The following MYO15A variants were observed in gnomAD, a reference collection of about 807,000 sequenced individuals.
The protein encoded by MYO15A is unconventional myosin-XV.
In MYO15A, 308 loss-of-function variants were observed where a neutral mutation model predicts 394.6. That is an observed-to-expected ratio of 0.78 (90% CI 0.71 to 0.86). The LOEUF is 0.86. MYO15A is among the 40% of genes least tolerant of loss of function. The pLI is 0.00. For missense variants in MYO15A, 4,606 were observed against 4,799.1 expected, an observed-to-expected ratio of 0.96 and a Z score of 1.19; for synonymous variants, 1,957 against 2,003.8, an observed-to-expected ratio of 0.98 and a Z score of 0.62.
At position 18,114,302 on chromosome 17, in the gene MYO15A, A is replaced by G. The variant is rs141609773; in HGVS notation, c.-219-4280A>G. On this transcript the variant is annotated intron_variant, in intron 1 of 65. Coordinates refer to ENST00000647165, the MANE Select transcript of MYO15A (RefSeq NM_016239.4). ...TTTTTGCTCTTGTTGCCCAGGCTGG[A>G]GTGCAATGGCTTCATCTTGGCTCAC... Among the ~76,000 whole-genome samples, 325 of 116,938 alleles carry G rather than the reference A, an allele frequency of 2.8e-3. 1 individual carries two copies. Among genetic ancestry groups the G allele is most frequent in the Middle Eastern group, 7.9e-3 (1 of 126 alleles). 76.7% of individuals were successfully genotyped at this position (116,938 alleles called of 152,430 possible). A position where few individuals can be genotyped will look rare whatever the true frequency, so the allele number is the denominator to read the frequency against.
intron 1 of MYO15A, among the ~76,000 whole-genome samples, chr17:18,111,268 G>C (rs2045716276): frequency 6.8e-6 from 1 of 146,522 alleles, no homozygotes; most frequent in Non-Finnish European, 1.5e-5. Flanking sequence ...CTGGGAGCTT[G>C]AGGCTGCAGT....
At position 18,120,672 on chromosome 17, in the gene MYO15A, GC is replaced by G; in HGVS notation, c.1875del (p.Ile626SerfsTer3). 6.3e-7 allele frequency: 1 copy of G among 1,582,246 alleles called. No homozygotes were observed. On this transcript the variant is annotated frameshift_variant, in exon 2 of 66. Coordinates refer to ENST00000647165, the MANE Select transcript of MYO15A (RefSeq NM_016239.4). LOFTEE classifies it high-confidence loss of function. ...AGMDPEKPGT[P>X]IVLRRAQPRA... ...GCATGGACCCCGAGAAGCCCGGCAC[GC>G]CCATCGTGCTGAGGAGGGCCCAGCC...
rs551726715 is a variant in MYO15A at position 18,159,454 on chromosome 17, G to A, written c.9229+107G>A. The A allele has an allele frequency of 7.8e-5, 116 of 1,489,626 alleles. No homozygotes were observed. In the African/African-American group the frequency reaches 8.2e-4, roughly 10 times the overall value. The allele number at this position is 1,489,626 out of a possible 1,614,324, so 92.3% of individuals were successfully genotyped here. On this transcript the variant is annotated intron_variant, in intron 54 of 65. Transcript: ENST00000647165. ...CTGATCTTCAGATTCTTTCCCTCCC[G>A]CCAGCTCAGACATGGAACACATTTA... is the stretch of plus-strand genomic sequence containing the variant.
chr17:18,122,674 A>C, intron 2 of MYO15A: 1 of 521,026 alleles, frequency 1.9e-6, no homozygotes, highest in Non-Finnish European at 3.3e-6. Context: ...CTTTGTTCAT[A>C]TTCGGCTTGG....
rs1036796216 is a variant in MYO15A at position 18,120,247 on chromosome 17, C to T, written c.1447C>T (p.Pro483Ser). The T allele has an allele frequency of 6.2e-7, 1 of 1,612,174 alleles. No homozygotes were observed. The highest frequency in any genetic ancestry group is 8.5e-7 in the Non-Finnish European group (1 of 1,179,604). Residue 483 changes from proline (P) to serine (S), a missense_variant, in exon 2 of 66, where the codon CCC (proline) becomes TCC (serine). Physicochemically the swap from Pro to Ser is moderately conservative, Grantham distance 74. This residue lies in a region of MYO15A where 1,830 missense variants were observed against 1,689.7 expected (regional missense o/e 1.08). Transcript: ENST00000647165. ...LIRKFRLFPR[P>S]QVKLFGKEKL... is the part of the protein sequence containing the mutation. ...CCGCAAGTTCCGCCTCTTCCCGCGA[C>T]CCCAGGTGAAGCTGTTTGGGAAGGA...
intron 65 of MYO15A, among the ~76,000 whole-genome samples, chr17:18,174,447 C>A (rs2046985433): frequency 6.6e-6 from 1 of 151,926 alleles, no homozygotes; most frequent in Non-Finnish European, 1.5e-5. Flanking sequence ...CATAGTGAGA[C>A]CTAGTCTCTG....
intron 65 of MYO15A, among the ~76,000 whole-genome samples, chr17:18,174,937 C>T (rs1188327734): frequency 6.6e-6 from 1 of 152,090 alleles, no homozygotes; most frequent in Non-Finnish European, 1.5e-5. Context: ...CCCCTGTGCC[C>T]CTTGGAGAGC....
chr17:18,130,841 T>TGA, intron 8 of MYO15A, 31 bp downstream of exon 8: 1 of 1,523,872 alleles, frequency 6.6e-7, no homozygotes. Flanking sequence ...TGTGTGTGTG[T>TGA]GTGTGTGTGT....
intron 8 of MYO15A, 124 bp downstream of exon 8, chr17:18,130,934 G>A: frequency 1.8e-6 from 2 of 1,121,484 alleles, no homozygotes; most frequent in South Asian, 2.8e-5. Flanking sequence ...AGGCAGGAAA[G>A]GACATCCAAA....
In MYO15A at chr17:18,132,475, A is replaced by T. The variant is rs772392449; in HGVS notation, c.4229A>T (p.His1410Leu). 1 of 1,613,956 alleles carries T rather than the reference A, an allele frequency of 6.2e-7. No homozygotes were observed. Among genetic ancestry groups the T allele is most frequent in the Non-Finnish European group, 8.5e-7 (1 of 1,180,020 alleles). ...VFQAKNERNY[H>L]IFYELLAGLP... ...CAGGCCAAAAACGAGAGGAATTACC[A>T]CATCTTCTACGAGTTGCTGGCCGGG... Residue 1410 changes from histidine (H) to leucine (L), a missense_variant, in exon 11 of 66, where the codon CAC (histidine) becomes CTC (leucine). Coordinates refer to ENST00000647165, the MANE Select transcript of MYO15A (RefSeq NM_016239.4). The surrounding 1 kb of genome is among the most constrained non-coding windows in gnomAD (Gnocchi z 4.6).
chr17:18,133,855 A>T (rs1469534910), intron 12 of MYO15A, among the ~76,000 whole-genome samples: 1 of 152,042 alleles, frequency 6.6e-6, no homozygotes, highest in East Asian at 1.9e-4. Flanking sequence ...ACGGGGTTTC[A>T]CCATGTTGGC....
intron 35 of MYO15A, chr17:18,149,998 G>T: frequency 3.2e-6 from 1 of 308,524 alleles, no homozygotes; most frequent in South Asian, 3.8e-5. Context: ...ACCTTTGGTG[G>T]CAGCCAGCCC....
In MYO15A at chr17:18,145,964, G is replaced by GC. The variant is rs781090780; in HGVS notation, c.6367dup (p.Leu2123ProfsTer4). 8.1e-6 allele frequency: 13 copies of GC among 1,613,770 alleles called. No individual in the cohort carries two copies. The highest frequency in any genetic ancestry group is 1.0e-5 in the Non-Finnish European group (12 of 1,180,022). ...TGCAGAAGGGGCTGGCGGTGCCTGA[G>GC]CTGCGGGATGAGATCCTGGCACAGC... On this transcript the variant is annotated frameshift_variant, in exon 30 of 66. Coordinates refer to ENST00000647165, the MANE Select transcript of MYO15A (RefSeq NM_016239.4). LOFTEE classifies it high-confidence loss of function.
chr17:18,156,433 C>A (rs2046676846), intron 48 of MYO15A, 97 bp downstream of exon 48: 3 of 1,412,288 alleles, frequency 2.1e-6, no homozygotes. Flanking sequence ...CCATAGATTT[C>A]TGTCTACCTT....
intron 1 of MYO15A, among the ~76,000 whole-genome samples, chr17:18,115,769 A>ACC (rs2045776404): frequency 6.6e-6 from 1 of 151,434 alleles, no homozygotes; most frequent in Non-Finnish European, 1.5e-5. Context: ...CACCCAGTGC[A>ACC]CCCCCACTGC....
intron 62 of MYO15A, among the ~76,000 whole-genome samples, chr17:18,170,843 G>C (rs1305495195): frequency 6.6e-6 from 1 of 152,196 alleles, no homozygotes; most frequent in African/African-American, 2.4e-5. Flanking sequence ...CCCATTTACA[G>C]ATAAGGCCCA....
intron 65 of MYO15A, among the ~76,000 whole-genome samples, chr17:18,176,094 C>T (rs1044665839): frequency 6.6e-6 from 1 of 152,204 alleles, no homozygotes; most frequent in African/African-American, 2.4e-5. Context: ...CGATCCCTGC[C>T]CCCATAGCCC....
At chr17:18,131,106 C>A (rs2046153678) in intron 8 of MYO15A, 133 bp from the exon 9 acceptor site, 1 of 819,714 alleles carries the variant, frequency 1.2e-6, no homozygotes, top group East Asian at 2.6e-5. Flanking sequence ...CTAGGGAGCC[C>A]ACCTCTGGTC....
At position 18,151,259 on chromosome 17, in the gene MYO15A, T is replaced by TA. The variant is rs758557098; in HGVS notation, c.7623_7624insA (p.Leu2542ThrfsTer26). On this transcript the variant is annotated frameshift_variant, in exon 39 of 66. Coordinates refer to ENST00000647165, the MANE Select transcript of MYO15A (RefSeq NM_016239.4). LOFTEE classifies it high-confidence loss of function. ...CCATCAAGCCTGTGGCTGCCCCTGT[T>TA]CTAGCTCAGGATCAGGCTTCTCCAG... 2.1e-5 allele frequency: 34 copies of TA among 1,613,968 alleles called. No individual in the cohort carries two copies. Among genetic ancestry groups the TA allele is most frequent in the Non-Finnish European group, 2.5e-5 (30 of 1,180,014 alleles).
Sources: allele counts gnomAD v4.1 joint callset (sites outside exome capture counted in the v4.1 genomes callset), GRCh38; gene constraint gnomAD v4.1.1; regional missense constraint gnomAD v4.1.1; non-coding constraint Gnocchi (gnomAD v3.1); transcripts MANE v1.5; gene names NCBI Gene and HGNC (gene_info 2026-07-23, HGNC 2026-07-21).